The following GPC5 variants were observed in gnomAD, a reference collection of about 807,000 sequenced individuals.
GPC5 encodes the protein glypican 5.
Under a neutral mutation model 53.9 loss-of-function variants are expected in GPC5, and 47 were observed. That is an observed-to-expected ratio of 0.87 (90% CI 0.69 to 1.11). The LOEUF (loss-of-function observed/expected upper bound fraction) is 1.11, where lower values mean the gene tolerates loss of function less well. GPC5 is among the 50% of genes most tolerant of loss of function. The pLI is 0.00. For missense variants in GPC5, 748 were observed against 713.1 expected, an observed-to-expected ratio of 1.05 and a Z score of -0.56; for synonymous variants, 286 against 263.3, an observed-to-expected ratio of 1.09 and a Z score of -0.84.
At chr13:91,956,431 T>A (rs970474343) in intron 6 of GPC5, among the ~76,000 whole-genome samples, 1 of 152,176 alleles carries the variant, frequency 6.6e-6, no homozygotes, top group African/African-American at 2.4e-5. Context: ...CTGCCATTGC[T>A]AATGCCATGT....
At chr13:92,182,950 G>C (rs1244472328) in intron 7 of GPC5, among the ~76,000 whole-genome samples, 1 of 152,070 alleles carries the variant, frequency 6.6e-6, no homozygotes, top group Non-Finnish European at 1.5e-5. Context: ...GGTGGCAGAA[G>C]AAACTATAGT....
At chr13:92,291,061 C>G (rs953493217) in intron 7 of GPC5, among the ~76,000 whole-genome samples, 2 of 152,144 alleles carry the variant, frequency 1.3e-5, no homozygotes, top group Non-Finnish European at 2.9e-5. Flanking sequence ...AATTTCTCGC[C>G]GGGCCTTAGC....
chr13:92,649,537 T>C (rs1339972786), intron 7 of GPC5, among the ~76,000 whole-genome samples: 1 of 152,160 alleles, frequency 6.6e-6, no homozygotes, highest in Non-Finnish European at 1.5e-5. Context: ...TTTAAAGTCA[T>C]GATAAGTATA....
intron 7 of GPC5, among the ~76,000 whole-genome samples, chr13:92,433,350 A>C (rs936472456): frequency 6.6e-6 from 1 of 152,176 alleles, no homozygotes; most frequent in Admixed American, 6.6e-5. Flanking sequence ...ATTATGAATT[A>C]GGAAGTAAAG....
rs189275455 is a variant in GPC5, at chr13:92,741,813, G to A, written c.1562-124469G>A. On this transcript the variant is annotated intron_variant, in intron 7 of 7. Transcript: ENST00000377067. ...CAAGTGTTCTCATTGTTCAATTCCC[G>A]CCTATGAGTAAGAACACGCGGTGTT... 1.9e-3 allele frequency among the ~76,000 whole-genome samples: 284 copies of A among 151,800 alleles called. 1 individual carries two copies. Among genetic ancestry groups the A allele is most frequent in the Non-Finnish European group, 2.9e-3 (195 of 67,912 alleles).
intron 7 of GPC5, among the ~76,000 whole-genome samples, chr13:92,465,645 C>A (rs1409525685): frequency 6.6e-6 from 1 of 152,016 alleles, no homozygotes; most frequent in Non-Finnish European, 1.5e-5. Context: ...GATTGAATCA[C>A]TAAGATTCCT....
chr13:91,919,510 T>C (rs1488266975), intron 6 of GPC5, among the ~76,000 whole-genome samples: 1 of 152,198 alleles, frequency 6.6e-6, no homozygotes, highest in African/African-American at 2.4e-5. Context: ...TGTGATAAAA[T>C]ATAGTCTTTT....
At chr13:92,363,495 T>C (rs1269447953) in intron 7 of GPC5, among the ~76,000 whole-genome samples, 1 of 151,788 alleles carries the variant, frequency 6.6e-6, no homozygotes, top group African/African-American at 2.4e-5. Flanking sequence ...ATCCCTCGCA[T>C]GTACAGTTCA....
chr13:91,521,581 G>A (rs915714772), intron 2 of GPC5, among the ~76,000 whole-genome samples: 10 of 152,014 alleles, frequency 6.6e-5, no homozygotes, highest in African/African-American at 1.9e-4. Context: ...AACATGTTCT[G>A]ACAAACATGT....
At chr13:92,447,350 G>A (rs1042444470) in intron 7 of GPC5, 24 of 152,018 alleles carry the variant, frequency 1.6e-4, no homozygotes, top group African/African-American at 5.8e-4. Flanking sequence ...TGGTCTTTTA[G>A]ATGAGATGCA....
intron 7 of GPC5, among the ~76,000 whole-genome samples, chr13:92,276,725 C>G (rs934127272): frequency 1.3e-5 from 2 of 151,992 alleles, no homozygotes; most frequent in South Asian, 2.1e-4. Flanking sequence ...GAATTAAGAG[C>G]CTTTTATTAC....
At chr13:92,449,864 A>G (rs1417039283) in intron 7 of GPC5, among the ~76,000 whole-genome samples, 1 of 152,198 alleles carries the variant, frequency 6.6e-6, no homozygotes, top group Non-Finnish European at 1.5e-5. Flanking sequence ...AGAAAATTGT[A>G]TACTTACTTC....
At chr13:91,821,107 A>T (rs375362137) in intron 5 of GPC5, among the ~76,000 whole-genome samples, 1 of 152,190 alleles carries the variant, frequency 6.6e-6, no homozygotes, top group Non-Finnish European at 1.5e-5. Context: ...TCAACTTTTA[A>T]GCAATGAACA....
intron 6 of GPC5, among the ~76,000 whole-genome samples, chr13:91,991,378 T>C (rs1024212227): frequency 6.6e-6 from 1 of 152,236 alleles, no homozygotes; most frequent in African/African-American, 2.4e-5. Flanking sequence ...TATTTCATAA[T>C]GCTCAGTAAA....
At chr13:92,452,061 T>C (rs973139508) in intron 7 of GPC5, among the ~76,000 whole-genome samples, 1 of 152,176 alleles carries the variant, frequency 6.6e-6, no homozygotes, top group African/African-American at 2.4e-5. Flanking sequence ...ACAAATATAA[T>C]ACAATTCTAA....
intron 5 of GPC5, among the ~76,000 whole-genome samples, chr13:91,805,551 A>G (rs1449298986): frequency 6.6e-6 from 1 of 152,206 alleles, no homozygotes; most frequent in East Asian, 1.9e-4. Context: ...AAAGACTAGA[A>G]CATACCCAGG....
intron 7 of GPC5, among the ~76,000 whole-genome samples, chr13:92,704,508 A>T (rs1162517890): frequency 6.6e-6 from 1 of 152,032 alleles, no homozygotes; most frequent in Non-Finnish European, 1.5e-5. Context: ...AATTATCAGA[A>T]GCAAAATCCT....
At chr13:92,167,112 T>C (rs1469491148) in intron 7 of GPC5, among the ~76,000 whole-genome samples, 2 of 152,116 alleles carry the variant, frequency 1.3e-5, no homozygotes, top group African/African-American at 2.4e-5. Flanking sequence ...GTTAAGTATG[T>C]GCTTTGTTTT....
chr13:92,666,192 T>A (rs1886558908), intron 7 of GPC5, among the ~76,000 whole-genome samples: 1 of 152,220 alleles, frequency 6.6e-6, no homozygotes, highest in Non-Finnish European at 1.5e-5. Flanking sequence ...GGGATGGATT[T>A]TCTTTTGTGA....
Sources: gnomAD v4.1 joint callset for allele counts (sites outside exome capture counted in the v4.1 genomes callset) on GRCh38, gnomAD v4.1.1 for gene constraint, MANE v1.5 for transcripts, NCBI Gene and HGNC (gene_info 2026-07-23, HGNC 2026-07-21) for gene names.